The following PRDM11 variants were observed in gnomAD, a reference collection of about 807,000 sequenced individuals.
PRDM11 encodes the protein PR domain-containing protein 11.
In PRDM11, 20 loss-of-function variants were observed where a neutral mutation model predicts 97.8. The observed-to-expected ratio is 0.20, with a 90% CI of 0.14 to 0.30. The LOEUF (loss-of-function observed/expected upper bound fraction) is 0.30, where lower values mean the gene tolerates loss of function less well. Ranked by LOEUF, PRDM11 falls within the 10% of genes least tolerant of loss-of-function variation. PRDM11 has a pLI of 1.00. For synonymous variants in PRDM11, 599 were observed against 637.7 expected, an observed-to-expected ratio of 0.94 and a Z score of 0.91; for missense variants, 1,139 against 1,555.2, an observed-to-expected ratio of 0.73 and a Z score of 4.50.
At chr11:45,191,806 T>TTTATTATTA (rs34652553) in intron 4 of PRDM11, among the ~76,000 whole-genome samples, 6 of 148,050 alleles carry the variant, frequency 4.1e-5, no homozygotes, top group Non-Finnish European at 9.0e-5. Flanking sequence ...CAAACTAGGT[T>TTTATTATTA]TTATTATTAT....
intron 1 of PRDM11, among the ~76,000 whole-genome samples, chr11:45,125,184 T>A (rs1407385981): frequency 6.6e-6 from 1 of 152,170 alleles, no homozygotes; most frequent in African/African-American, 2.4e-5. Flanking sequence ...TCGGTGGTGA[T>A]ATCCCCTTTA....
intron 4 of PRDM11, among the ~76,000 whole-genome samples, chr11:45,200,218 AC>A (rs1461674247): frequency 2.6e-5 from 4 of 152,214 alleles, no homozygotes; most frequent in African/African-American, 9.6e-5. Flanking sequence ...CTAGACCTGA[AC>A]CCAGCAGACA....
At chr11:45,101,667 GGCTGAGCGGAGGAA>G (rs1851984920) in intron 1 of PRDM11, among the ~76,000 whole-genome samples, 1 of 147,116 alleles carries the variant, frequency 6.8e-6, no homozygotes, top group Non-Finnish European at 1.5e-5. Context: ...CAGAGCTGGA[GGCTGAGCGGAGGAA>G]GAAGAAGGCG....
At chr11:45,185,221 C>T (rs775480175) in intron 4 of PRDM11, among the ~76,000 whole-genome samples, 13 of 152,220 alleles carry the variant, frequency 8.5e-5, no homozygotes, top group East Asian at 1.9e-4. Context: ...CTCCTGTCCC[C>T]GGACATTGGG....
At chr11:45,152,356 C>T (rs866654549) in intron 1 of PRDM11, among the ~76,000 whole-genome samples, 8 of 152,276 alleles carry the variant, frequency 5.3e-5, no homozygotes, top group South Asian at 2.1e-4. Flanking sequence ...TATGAACTAC[C>T]GGGCCTGGCC....
intron 1 of PRDM11, among the ~76,000 whole-genome samples, chr11:45,119,646 AAAAC>A (rs1334219943): frequency 2.7e-5 from 4 of 148,906 alleles, no homozygotes; most frequent in African/African-American, 7.5e-5. Flanking sequence ...AAAAAAAAAA[AAAAC>A]ACCTGGTAAG....
chr11:45,138,714 AT>A (rs1478162683), intron 1 of PRDM11, among the ~76,000 whole-genome samples: 1 of 152,220 alleles, frequency 6.6e-6, no homozygotes, highest in East Asian at 1.9e-4. Flanking sequence ...ACCAAAGTAA[AT>A]TCCAGCTGTG....
chr11:45,215,541 A>C (rs1853932438), intron 5 of PRDM11, among the ~76,000 whole-genome samples: 2 of 152,232 alleles, frequency 1.3e-5, no homozygotes, highest in Non-Finnish European at 2.9e-5. Flanking sequence ...GAAGGAGCCA[A>C]ATTGGAAGCT....
chr11:45,171,416 TAA>T (rs1456329958), intron 1 of PRDM11, among the ~76,000 whole-genome samples: 8 of 152,144 alleles, frequency 5.3e-5, no homozygotes, highest in Admixed American at 4.6e-4. Context: ...GTGGATTTTT[TAA>T]AGTTCCCCAG....
intron 1 of PRDM11, among the ~76,000 whole-genome samples, chr11:45,103,605 G>T (rs964624295): frequency 6.6e-6 from 1 of 151,768 alleles, no homozygotes; most frequent in Non-Finnish European, 1.5e-5. Flanking sequence ...GAGCTTGAGG[G>T]GGCCTTTGAG....
chr11:45,188,907 T>G (rs911626736), intron 4 of PRDM11, among the ~76,000 whole-genome samples: 6 of 152,148 alleles, frequency 3.9e-5, no homozygotes, highest in East Asian at 1.9e-4. Flanking sequence ...TTGTTTGTTT[T>G]TTTGTTTGTT....
At chr11:45,102,750 C>T (rs532563192) in intron 1 of PRDM11, among the ~76,000 whole-genome samples, 1 of 152,346 alleles carries the variant, frequency 6.6e-6, no homozygotes, top group South Asian at 2.1e-4. Flanking sequence ...GCTGGAAACG[C>T]CAGGCGAGCC....
At chr11:45,100,909 C>T (rs979474877) in intron 1 of PRDM11, among the ~76,000 whole-genome samples, 8 of 152,168 alleles carry the variant, frequency 5.3e-5, no homozygotes, top group African/African-American at 1.7e-4. Context: ...AAGTATTTGC[C>T]CAGGGTCATG....
intron 1 of PRDM11, among the ~76,000 whole-genome samples, chr11:45,180,731 G>A (rs1013589723): frequency 2.5e-4 from 37 of 149,928 alleles, no homozygotes; most frequent in Admixed American, 5.3e-4. Flanking sequence ...CTCCCCGCCG[G>A]GAAGGCTGGC....
intron 1 of PRDM11, 101 bp downstream of exon 1, chr11:45,146,978 AGCGGCGGCTGGGGGCGGGG>A (rs1851525368): frequency 7.0e-6 from 1 of 142,722 alleles, no homozygotes; most frequent in African/African-American, 2.5e-5. Context: ...GGGGGCCGGG[AGCGGCGGCTGGGGGCGGGG>A]GCGGCCGGGG....
In PRDM11 at chr11:45,218,220, G is replaced by A. The variant is rs141796746; in HGVS notation, c.555-1350G>A. Among the ~76,000 whole-genome samples, 9 of 152,158 alleles carry A rather than the reference G, an allele frequency of 5.9e-5. No homozygotes were observed. In the East Asian group the frequency reaches 7.7e-4, roughly 13 times the overall value. ...ATACAAGTCAGCATATTGGTATGCC[G>A]GGTTTGCATACTTCATCCATAACTT... On this transcript the variant is annotated intron_variant, in intron 5 of 7. Transcript: ENST00000683152.
At chr11:45,200,945 C>T (rs1853304746) in intron 4 of PRDM11, among the ~76,000 whole-genome samples, 1 of 152,294 alleles carries the variant, frequency 6.6e-6, no homozygotes, top group African/African-American at 2.4e-5. Flanking sequence ...TATCTATGCT[C>T]ATGTAAACAT....
intron 1 of PRDM11, among the ~76,000 whole-genome samples, chr11:45,101,183 C>G (rs559379851): frequency 6.6e-5 from 10 of 152,222 alleles, no homozygotes; most frequent in African/African-American, 2.4e-4. Context: ...AGGAGAACTT[C>G]CAGTTAGGGA....
At chr11:45,149,758 G>T (rs1358433610) in intron 1 of PRDM11, among the ~76,000 whole-genome samples, 1 of 152,270 alleles carries the variant, frequency 6.6e-6, no homozygotes, top group East Asian at 1.9e-4. Context: ...CTCCGTGCGT[G>T]AAGCCCTTGG....
Sources: allele counts gnomAD v4.1 joint callset (sites outside exome capture counted in the v4.1 genomes callset), GRCh38; gene constraint gnomAD v4.1.1; transcripts MANE v1.5; gene names NCBI Gene and HGNC (gene_info 2026-07-23, HGNC 2026-07-21).